PDLIM5: variants seen among roughly 807,000 people sequenced by gnomAD.
The protein encoded by PDLIM5 is PDZ and LIM domain 5.
PDLIM5 carries 34 observed loss-of-function variants against 64.2 expected under a neutral mutation model. The observed-to-expected ratio is 0.53, with a 90% CI of 0.40 to 0.71. PDLIM5 has a LOEUF of 0.71. Ranked by LOEUF, PDLIM5 falls within the 30% of genes least tolerant of loss-of-function variation. PDLIM5 has a pLI of 0.00. For synonymous variants in PDLIM5, 253 were observed against 269.1 expected (o/e 0.94, Z 0.59); for missense variants, 683 against 733.6 (o/e 0.93, Z 0.80).
intron 3 of PDLIM5, among the ~76,000 whole-genome samples, chr4:94,532,480 C>G (rs1246059113): frequency 1.3e-5 from 2 of 152,150 alleles, no homozygotes; most frequent in Non-Finnish European, 2.9e-5. Context: ...AATTAGTCAG[C>G]TGCTTAATCC....
At chr4:94,498,944 A>G (rs556156467) in intron 2 of PDLIM5, among the ~76,000 whole-genome samples, 11 of 152,350 alleles carry the variant, frequency 7.2e-5, no homozygotes, top group Admixed American at 6.5e-4. Context: ...CAATAGGTAT[A>G]AAAGCTGTTA....
chr4:94,512,751 C>T (rs565331423), intron 2 of PDLIM5, among the ~76,000 whole-genome samples: 1 of 151,842 alleles, frequency 6.6e-6, no homozygotes, highest in Non-Finnish European at 1.5e-5. Flanking sequence ...TCCCATTTGT[C>T]CATTTTTTTG....
At chr4:94,598,306 G>A (rs1272751108) in intron 7 of PDLIM5, among the ~76,000 whole-genome samples, 2 of 152,118 alleles carry the variant, frequency 1.3e-5, no homozygotes, top group Non-Finnish European at 2.9e-5. Context: ...ATGATAAGCA[G>A]TAGTTCTGTT....
At position 94,667,511 on chromosome 4, in the gene PDLIM5, G is replaced by GT. The variant is rs1743133836; in HGVS notation, c.*3445dup. 1 of 152,106 alleles carries GT rather than the reference G, an allele frequency of 6.6e-6. No homozygotes were observed. Among genetic ancestry groups the GT allele is most frequent in the South Asian group, 2.1e-4 (1 of 4,822 alleles). The allele number at this position is 152,106 out of a possible 1,614,324, so 9.4% of individuals were successfully genotyped here. ...ATCTAGAGATGATTTAAAGTGTATG[G>GT]TAGGATGTGCATAGGTTATATGCAA... On this transcript the variant is annotated 3_prime_UTR_variant, in exon 13 of 13. Coordinates refer to ENST00000317968, the MANE Select transcript of PDLIM5 (RefSeq NM_006457.5).
chr4:94,518,774 C>T (rs1729579208), intron 2 of PDLIM5, among the ~76,000 whole-genome samples: 1 of 152,122 alleles, frequency 6.6e-6, no homozygotes. Context: ...GTATATCACA[C>T]CTAGAGATAA....
chr4:94,583,101 A>C (rs1371679371), intron 5 of PDLIM5: 1 of 159,764 alleles, frequency 6.3e-6, no homozygotes, highest in Non-Finnish European at 1.4e-5. Flanking sequence ...TAAAGTTTAC[A>C]TTATATCCCA....
chr4:94,523,769 G>C lies in PDLIM5; in HGVS notation c.142G>C (p.Asp48His). 1 of 1,612,844 alleles carries C rather than the reference G, an allele frequency of 6.2e-7. No homozygotes were observed. Among genetic ancestry groups the C allele is most frequent in the Non-Finnish European group, 8.5e-7 (1 of 1,178,886 alleles). ...AGCCCAGGCAAATGTAAGAATAGGC[G>C]ATGTGGTTCTCAGCATTGATGGAAT... Reference protein sequence around the residue: ...KAAQANVRIGDVVLSIDGINA... With the variant: ...KAAQANVRIGHVVLSIDGINA... Residue 48 changes from aspartate (D) to histidine (H), a missense_variant, in exon 3 of 13, where the codon GAT becomes CAT. Asp to His is a moderately conservative substitution (Grantham distance 81). Coordinates refer to ENST00000317968, the MANE Select transcript of PDLIM5 (RefSeq NM_006457.5).
rs199929613 is a variant in PDLIM5, at chr4:94,656,154, GATA to G, written c.1465-1270_1465-1268del. ...ATGACCTAAATATTTACCAATCACA[GATA>G]ATTACTGTTAACCTTATGATGTGTT... On this transcript the variant is annotated intron_variant, in intron 10 of 12. Transcript: ENST00000317968. Among the ~76,000 whole-genome samples, 1,446 of 152,224 alleles carry G rather than the reference GATA, an allele frequency of 9.5e-3. 37 individuals carry two copies. Among genetic ancestry groups the G allele is most frequent in the Admixed American group, 0.054 (826 of 15,298 alleles).
intron 2 of PDLIM5, among the ~76,000 whole-genome samples, chr4:94,463,830 A>G (rs1406512593): frequency 6.6e-6 from 1 of 152,210 alleles, no homozygotes; most frequent in Non-Finnish European, 1.5e-5. Flanking sequence ...AGGAATGGCA[A>G]ATTTCACCCT....
In PDLIM5 at chr4:94,585,594, A is replaced by G. The variant is rs752375407; in HGVS notation, c.740A>G (p.Tyr247Cys). 3 of 1,612,842 alleles carry G rather than the reference A, an allele frequency of 1.9e-6. No homozygotes were observed. The highest frequency in any genetic ancestry group is 4.5e-5 in the East Asian group (2 of 44,796). The change falls in exon 6 of 13, where the codon TAT becomes TGT. Residue 247 changes from tyrosine to cysteine, a missense_variant. Coordinates refer to ENST00000317968, the MANE Select transcript of PDLIM5 (RefSeq NM_006457.5). ...GPPRKHIVER[Y>C]TEFYHVPTHS... is the part of the protein sequence containing the mutation. ...CCAAGAAAACACATTGTGGAGCGCT[A>G]TACAGAGTTTTATCATGTACCCACT...
chr4:94,559,427 G>C (rs941560248), intron 3 of PDLIM5, among the ~76,000 whole-genome samples: 1 of 152,148 alleles, frequency 6.6e-6, no homozygotes, highest in African/African-American at 2.4e-5. Context: ...TAGAACTCAC[G>C]TAAGGCAGAG....
At chr4:94,506,989 A>G (rs1728450678) in intron 2 of PDLIM5, among the ~76,000 whole-genome samples, 5 of 152,152 alleles carry the variant, frequency 3.3e-5, no homozygotes, top group African/African-American at 1.2e-4. Context: ...TTTGGACCTC[A>G]GACTTCAGGT....
intron 3 of PDLIM5, among the ~76,000 whole-genome samples, chr4:94,527,285 G>A (rs1196600985): frequency 1.3e-5 from 2 of 150,210 alleles, no homozygotes; most frequent in Non-Finnish European, 3.0e-5. Flanking sequence ...TTGATCTCTT[G>A]ACCCCGTGAT....
chr4:94,534,738 A>G (rs1731173003), intron 3 of PDLIM5, among the ~76,000 whole-genome samples: 1 of 152,184 alleles, frequency 6.6e-6, no homozygotes, highest in East Asian at 1.9e-4. Context: ...TATGGAATCC[A>G]TTGTAAAGTA....
chr4:94,506,882 A>G (rs1728442404), intron 2 of PDLIM5, among the ~76,000 whole-genome samples: 1 of 152,204 alleles, frequency 6.6e-6, no homozygotes, highest in Non-Finnish European at 1.5e-5. Context: ...CACCGCTAGA[A>G]CAAAGCAGGC....
intron 3 of PDLIM5, among the ~76,000 whole-genome samples, chr4:94,554,259 T>G (rs1733060250): frequency 6.6e-6 from 1 of 152,244 alleles, no homozygotes. Context: ...CCTTATTGTC[T>G]GTTAGCTTTT....
chr4:94,630,626 C>T (rs765485057), intron 8 of PDLIM5, among the ~76,000 whole-genome samples: 1 of 152,110 alleles, frequency 6.6e-6, no homozygotes, highest in Non-Finnish European at 1.5e-5. Flanking sequence ...CCACCCATCT[C>T]AGCCTACCAA....
intron 2 of PDLIM5, among the ~76,000 whole-genome samples, chr4:94,474,336 C>T (rs972094139): frequency 1.2e-4 from 18 of 152,096 alleles, no homozygotes; most frequent in South Asian, 4.1e-4. Flanking sequence ...GTGCTACCTC[C>T]GCCTCCTGGG....
chr4:94,610,416 G>T, intron 7 of PDLIM5: 1 of 499,682 alleles, frequency 2.0e-6, no homozygotes, highest in Non-Finnish European at 3.3e-6. Context: ...TCTATTGTGA[G>T]CTCTTAATTG....
Sources: gnomAD v4.1 joint callset for allele counts (sites outside exome capture counted in the v4.1 genomes callset) on GRCh38, gnomAD v4.1.1 for gene constraint, MANE v1.5 for transcripts, NCBI Gene and HGNC (gene_info 2026-07-23, HGNC 2026-07-21) for gene names.